ADGRB3: variants seen among roughly 807,000 people sequenced by gnomAD.
ADGRB3 encodes adhesion G protein-coupled receptor B3.
In ADGRB3, 37 loss-of-function variants were observed where a neutral mutation model predicts 193.4. That is an observed-to-expected ratio of 0.19 (90% confidence interval 0.15 to 0.25). ADGRB3 has a LOEUF of 0.25. ADGRB3 is among the 10% of genes least tolerant of loss of function. The pLI is 1.00. For missense variants in ADGRB3, 1,637 were observed against 1,852.9 expected, an observed-to-expected ratio of 0.88 and a Z score of 2.14; for synonymous variants, 690 against 644.2, an observed-to-expected ratio of 1.07 and a Z score of -1.08.
At chr6:68,975,432 C>A (rs1302263861) in intron 10 of ADGRB3, 92 bp downstream of exon 10, 2 of 903,816 alleles carry the variant, frequency 2.2e-6, no homozygotes, top group South Asian at 1.9e-5. Flanking sequence ...ACAATCAAAT[C>A]AGTAACATCT....
At chr6:69,153,559 C>G (rs1002940778) in intron 17 of ADGRB3, among the ~76,000 whole-genome samples, 2 of 152,074 alleles carry the variant, frequency 1.3e-5, no homozygotes, top group African/African-American at 4.8e-5. Flanking sequence ...ACAGCATAGC[C>G]TTGGTCCTAA....
chr6:69,214,715 A>G (rs1388654061), intron 17 of ADGRB3, among the ~76,000 whole-genome samples: 1 of 151,766 alleles, frequency 6.6e-6, no homozygotes, highest in Non-Finnish European at 1.5e-5. Context: ...ACAATTGCCC[A>G]TGTCTCAGTT....
At chr6:69,300,481 G>C (rs1336319464) in intron 20 of ADGRB3, among the ~76,000 whole-genome samples, 3 of 151,404 alleles carry the variant, frequency 2.0e-5, no homozygotes, top group Non-Finnish European at 4.4e-5. Flanking sequence ...ATCAAAAAAG[G>C]GAAATAAATA....
rs569416879 is a variant in ADGRB3, at chr6:68,833,676, A to C, written c.758-96883A>C. 5.5e-4 allele frequency among the ~76,000 whole-genome samples: 84 copies of C among 151,974 alleles called. 1 individual carries two copies. The highest frequency in any genetic ancestry group is 1.9e-3 in the African/African-American group (80 of 41,498). On this transcript the variant is annotated intron_variant, in intron 3 of 31. Coordinates refer to ENST00000370598, the MANE Select transcript of ADGRB3 (RefSeq NM_001704.3). ...TATAATTTAACATACTAAAACAATA[A>C]AATTCATTAATATTTTGCAAATTTG... is the stretch of plus-strand genomic sequence containing the variant.
At chr6:69,105,082 A>T (rs1346475311) in intron 17 of ADGRB3, among the ~76,000 whole-genome samples, 1 of 152,214 alleles carries the variant, frequency 6.6e-6, no homozygotes, top group Admixed American at 6.5e-5. Context: ...TATAGAATGG[A>T]TGTTTGGTAG....
intron 3 of ADGRB3, among the ~76,000 whole-genome samples, chr6:68,720,809 C>T (rs73463917): frequency 0.032 from 4,875 of 151,834 alleles, 136 homozygotes; most frequent in African/African-American, 0.072. Flanking sequence ...GACAGTGACA[C>T]ACACAGGGTG....
intron 3 of ADGRB3, among the ~76,000 whole-genome samples, chr6:68,711,578 T>C (rs550764191): frequency 2.6e-5 from 4 of 152,218 alleles, no homozygotes; most frequent in Admixed American, 2.6e-4. Flanking sequence ...CCGTGTTTTG[T>C]TTTGTTTTTC....
intron 13 of ADGRB3, among the ~76,000 whole-genome samples, chr6:69,044,504 C>T (rs756244646): frequency 2.6e-5 from 4 of 152,208 alleles, no homozygotes; most frequent in Non-Finnish European, 5.9e-5. Context: ...AGAAAAACAG[C>T]TCATGTGCTT....
rs57824884 is a variant in ADGRB3, at chr6:69,279,071, G to GTA, written c.2814+39893_2814+39894dup. Among the ~76,000 whole-genome samples, 113 of 71,346 alleles carry GTA rather than the reference G, an allele frequency of 1.6e-3. 1 individual carries two copies. The highest frequency in any genetic ancestry group is 3.1e-3 in the South Asian group (4 of 1,276). 46.8% of individuals were successfully genotyped at this position (71,346 alleles called of 152,430 possible). A position where few individuals can be genotyped will look rare whatever the true frequency, so the allele number is the denominator to read the frequency against. On this transcript the variant is annotated intron_variant, in intron 20 of 31. Transcript: ENST00000370598. ...CTCATATGGCATATTAAATACATAT[G>GTA]TATATATATATATATATATATATAT...
chr6:69,284,993 G>A (rs1767517727), intron 20 of ADGRB3, among the ~76,000 whole-genome samples: 1 of 152,216 alleles, frequency 6.6e-6, no homozygotes, highest in South Asian at 2.1e-4. Flanking sequence ...CATCAAGAAT[G>A]AAAAAATGAT....
At chr6:69,128,122 C>A (rs1773907612) in intron 17 of ADGRB3, among the ~76,000 whole-genome samples, 1 of 152,066 alleles carries the variant, frequency 6.6e-6, no homozygotes. Context: ...GGGCTGTACC[C>A]AATCTGCGAA....
chr6:68,767,751 G>T (rs1766538111), intron 3 of ADGRB3, among the ~76,000 whole-genome samples: 1 of 152,074 alleles, frequency 6.6e-6, no homozygotes. Context: ...AAGTCAAATT[G>T]TCTCTGTTTG....
intron 5 of ADGRB3, among the ~76,000 whole-genome samples, chr6:68,937,480 C>G (rs1263089444): frequency 1.3e-5 from 2 of 152,130 alleles, no homozygotes; most frequent in Non-Finnish European, 2.9e-5. Flanking sequence ...TTTTGTCTAA[C>G]CATTTATGTG....
intron 24 of ADGRB3, 73 bp from the exon 25 acceptor site, chr6:69,338,843 C>A: frequency 7.4e-7 from 1 of 1,344,276 alleles, no homozygotes; most frequent in Non-Finnish European, 1.1e-6. Context: ...TAAAAGCTAA[C>A]TTGAAGCAGC....
At chr6:69,072,905 A>G (rs1772117319) in intron 16 of ADGRB3, among the ~76,000 whole-genome samples, 1 of 152,238 alleles carries the variant, frequency 6.6e-6, no homozygotes, top group Non-Finnish European at 1.5e-5. Context: ...ACTGGACAGG[A>G]TCTTATAAGA....
At chr6:68,776,739 A>G (rs775546770) in intron 3 of ADGRB3, among the ~76,000 whole-genome samples, 1 of 152,144 alleles carries the variant, frequency 6.6e-6, no homozygotes, top group African/African-American at 2.4e-5. Context: ...AAGAAAAATG[A>G]TATTGCAGAT....
At chr6:69,099,591 T>G (rs1772976727) in intron 17 of ADGRB3, among the ~76,000 whole-genome samples, 1 of 152,226 alleles carries the variant, frequency 6.6e-6, no homozygotes. Flanking sequence ...ACAATGGCCT[T>G]TCTTGCTCCT....
At chr6:69,074,211 CTGGGATGCTGCAATAT>C (rs946324512) in intron 16 of ADGRB3, among the ~76,000 whole-genome samples, 1 of 151,334 alleles carries the variant, frequency 6.6e-6, no homozygotes, top group African/African-American at 2.4e-5. Flanking sequence ...TTTAGAATAA[CTGGGATGCTGCAATAT>C]TGGAGTTAGT....
chr6:68,730,681 A>C (rs1421647008), intron 3 of ADGRB3, among the ~76,000 whole-genome samples: 1 of 151,662 alleles, frequency 6.6e-6, no homozygotes, highest in Non-Finnish European at 1.5e-5. Flanking sequence ...AAGGAAACCA[A>C]AGACGGTAAA....
Sources: gnomAD v4.1 joint callset for allele counts (sites outside exome capture counted in the v4.1 genomes callset) on GRCh38, gnomAD v4.1.1 for gene constraint, MANE v1.5 for transcripts, NCBI Gene and HGNC (gene_info 2026-07-23, HGNC 2026-07-21) for gene names.